The following TTC7B variants were observed in gnomAD, a reference collection of about 807,000 sequenced individuals.
TTC7B encodes tetratricopeptide repeat protein 7B.
A neutral mutation model predicts 106.8 loss-of-function variants in TTC7B; 28 were observed. The observed-to-expected ratio is 0.26, with a 90% CI of 0.19 to 0.36. The LOEUF (loss-of-function observed/expected upper bound fraction) is 0.36, where lower values mean the gene tolerates loss of function less well. Ranked by LOEUF, TTC7B falls within the 10% of genes least tolerant of loss-of-function variation. The probability of loss-of-function intolerance (pLI) is 1.00; values close to 1 mark genes in which losing one functional copy is unlikely to be tolerated. For missense variants in TTC7B, 862 were observed against 1,076.4 expected (o/e 0.80, Z 2.79); for synonymous variants, 405 against 430.6 (o/e 0.94, Z 0.74).
At chr14:90,765,057 T>C (rs915809751) in intron 3 of TTC7B, among the ~76,000 whole-genome samples, 1 of 152,244 alleles carries the variant, frequency 6.6e-6, no homozygotes, top group African/African-American at 2.4e-5. Flanking sequence ...AGAAATAACC[T>C]GCTGTCCACC....
At chr14:90,750,222 G>T (rs1427654150) in intron 3 of TTC7B, among the ~76,000 whole-genome samples, 3 of 152,154 alleles carry the variant, frequency 2.0e-5, no homozygotes, top group Admixed American at 6.5e-5. Flanking sequence ...AACACAAAGA[G>T]ATAGATCATT....
intron 1 of TTC7B, among the ~76,000 whole-genome samples, chr14:90,812,694 G>A (rs752623324): frequency 1.3e-5 from 2 of 151,978 alleles, no homozygotes; most frequent in Non-Finnish European, 2.9e-5. Context: ...GCACAGCTAG[G>A]TTCCACCACA....
chr14:90,656,380 T>C (rs1885948019), intron 11 of TTC7B, among the ~76,000 whole-genome samples: 1 of 152,242 alleles, frequency 6.6e-6, no homozygotes. Flanking sequence ...TACCACCATC[T>C]CGGCAATTAG....
chr14:90,794,051 C>T (rs1438533592), intron 1 of TTC7B, among the ~76,000 whole-genome samples: 6 of 150,194 alleles, frequency 4.0e-5, no homozygotes, highest in South Asian at 4.2e-4. Flanking sequence ...TACAGGCACG[C>T]GCCACCATAC....
At chr14:90,614,629 A>C (rs1892997084) in intron 16 of TTC7B, among the ~76,000 whole-genome samples, 1 of 152,260 alleles carries the variant, frequency 6.6e-6, no homozygotes, top group South Asian at 2.1e-4. Context: ...GGGCTGAATC[A>C]CTGTTCTGCT....
intron 19 of TTC7B, among the ~76,000 whole-genome samples, chr14:90,563,314 T>A (rs993040556): frequency 2.6e-5 from 4 of 152,162 alleles, no homozygotes; most frequent in Non-Finnish European, 4.4e-5. Context: ...AATGTCACAA[T>A]CGAGCAAGTC....
At chr14:90,811,311 T>C (rs1595057710) in intron 1 of TTC7B, among the ~76,000 whole-genome samples, 1 of 152,316 alleles carries the variant, frequency 6.6e-6, no homozygotes, top group East Asian at 1.9e-4. Context: ...CTTCCCCACA[T>C]TCTGGGAGGA....
intron 19 of TTC7B, 24 bp from the exon 20 acceptor site, chr14:90,541,613 A>G (rs1172686480): frequency 6.5e-7 from 1 of 1,530,858 alleles, no homozygotes; most frequent in Non-Finnish European, 8.8e-7. Context: ...AGAGAGAGAG[A>G]GACAGTCAGC....
At chr14:90,609,388 A>G (rs1892785710) in intron 17 of TTC7B, among the ~76,000 whole-genome samples, 1 of 152,224 alleles carries the variant, frequency 6.6e-6, no homozygotes, top group African/African-American at 2.4e-5. Context: ...GCTGACTTTA[A>G]ATTTGGTACA....
intron 18 of TTC7B, among the ~76,000 whole-genome samples, chr14:90,579,742 T>C (rs938116038): frequency 8.5e-5 from 13 of 152,148 alleles, no homozygotes; most frequent in Non-Finnish European, 1.8e-4. Context: ...GAGGTTGCAG[T>C]GAGCCAAGAT....
At position 90,658,510 on chromosome 14, in the gene TTC7B, T is replaced by C. The variant is rs560174981; in HGVS notation, c.1153-123A>G. The C allele has an allele frequency of 5.5e-5, 50 of 909,746 alleles. No individual in the cohort carries two copies. In the South Asian group the frequency reaches 6.9e-4, roughly 12 times the overall value. 56.4% of individuals were successfully genotyped at this position (909,746 alleles called of 1,614,324 possible). A position where few individuals can be genotyped will look rare whatever the true frequency, so the allele number is the denominator to read the frequency against. On this transcript the variant is annotated intron_variant, in intron 9 of 19. Coordinates refer to ENST00000328459, the MANE Select transcript of TTC7B (RefSeq NM_001010854.2). ...CATAAAATCTGCTTCCCTTGAATGCTTAAAACATAATCCACCACCAAACGG... is the reference window on the plus strand; with the variant it reads ...CATAAAATCTGCTTCCCTTGAATGCCTAAAACATAATCCACCACCAAACGG...
At chr14:90,783,166 A>G (rs893711159) in intron 2 of TTC7B, among the ~76,000 whole-genome samples, 5 of 152,198 alleles carry the variant, frequency 3.3e-5, no homozygotes, top group African/African-American at 1.2e-4. Flanking sequence ...CCTTGCTCAC[A>G]ATAAGGACCA....
chr14:90,628,729 C>T (rs762753876), intron 15 of TTC7B, among the ~76,000 whole-genome samples: 2 of 152,230 alleles, frequency 1.3e-5, no homozygotes, highest in Non-Finnish European at 2.9e-5. Context: ...CACATGGGAC[C>T]GCGCATCCTT....
At chr14:90,676,994 C>T (rs529943614) in intron 8 of TTC7B, among the ~76,000 whole-genome samples, 77 of 152,240 alleles carry the variant, frequency 5.1e-4, no homozygotes, top group African/African-American at 6.5e-4. Flanking sequence ...GACGCAGCTG[C>T]GCTCTAGAGC....
rs550693150 is a variant in TTC7B at position 90,624,970 on chromosome 14, G to C, written c.1752-6925C>G. Among the ~76,000 whole-genome samples, 1 of 152,170 alleles carries C rather than the reference G, an allele frequency of 6.6e-6. No individual in the cohort carries two copies. Among genetic ancestry groups the C allele is most frequent in the South Asian group, 2.1e-4 (1 of 4,828 alleles). On this transcript the variant is annotated intron_variant, in intron 15 of 19. Transcript: ENST00000328459. This position sits in a 1 kb window ranked among gnomAD's most constrained non-coding sequence, Gnocchi z 4.0. Reference sequence around the variant, plus strand: ...AAAAGCATGCGGGATCTGCCCAAGCGGGGCAGCGGCTGAGGGGGCCCTGGA... The same window carrying C: ...AAAAGCATGCGGGATCTGCCCAAGCCGGGCAGCGGCTGAGGGGGCCCTGGA...
rs112654891 is a variant in TTC7B at position 90,807,620 on chromosome 14, C to T, written c.121+8555G>A. On this transcript the variant is annotated intron_variant, in intron 1 of 19. Transcript: ENST00000328459. The surrounding 1 kb of genome is among the most constrained non-coding windows in gnomAD (Gnocchi z 4.1). Reference sequence around the variant, plus strand: ...GCCCCTCTGATACCTGGTGCTGTGCCCACACATAGTAGGTGCACATTAAAT... The same window carrying T: ...GCCCCTCTGATACCTGGTGCTGTGCTCACACATAGTAGGTGCACATTAAAT... 0.015 allele frequency among the ~76,000 whole-genome samples: 2,349 copies of T among 152,292 alleles called. 18 individuals are homozygous for T. Among genetic ancestry groups the T allele is most frequent in the African/African-American group, 0.026 (1,085 of 41,550 alleles).
intron 5 of TTC7B, among the ~76,000 whole-genome samples, chr14:90,726,197 T>C (rs1326424774): frequency 1.3e-5 from 2 of 152,312 alleles, no homozygotes; most frequent in East Asian, 1.9e-4. Flanking sequence ...GGGAGTAACA[T>C]TATCTTCTCA....
chr14:90,605,553 C>T (rs1261955372), intron 17 of TTC7B: 9 of 1,215,866 alleles, frequency 7.4e-6, no homozygotes, highest in East Asian at 1.3e-4. Flanking sequence ...AGGTAAAACA[C>T]GCAAATGAAG....
chr14:90,658,751 T>C (rs953104055), intron 9 of TTC7B, among the ~76,000 whole-genome samples: 8 of 152,182 alleles, frequency 5.3e-5, no homozygotes, highest in Non-Finnish European at 7.3e-5. Context: ...GAATCAGGAA[T>C]GGCATCAGGG....
Sources: allele counts gnomAD v4.1 joint callset (sites outside exome capture counted in the v4.1 genomes callset), GRCh38; gene constraint gnomAD v4.1.1; non-coding constraint Gnocchi (gnomAD v3.1); transcripts MANE v1.5; gene names NCBI Gene and HGNC (gene_info 2026-07-23, HGNC 2026-07-21).